The following MICAL3 variants were observed in gnomAD, a reference collection of about 807,000 sequenced individuals.
MICAL3 encodes the protein [F-actin]-monooxygenase MICAL3.
MICAL3 carries 62 observed loss-of-function variants against 207.4 expected under a neutral mutation model. That is an observed-to-expected ratio of 0.30 (90% CI 0.24 to 0.37). MICAL3 has a LOEUF of 0.37. Ranked by LOEUF, MICAL3 falls within the 10% of genes least tolerant of loss-of-function variation. MICAL3 has a pLI of 1.00. For synonymous variants in MICAL3, 1,077 were observed against 1,069.3 expected (o/e 1.01, Z -0.14); for missense variants, 2,368 against 2,635.6 (o/e 0.90, Z 2.22).
chr22:17,833,992 A>G (rs1395242407), intron 20 of MICAL3, among the ~76,000 whole-genome samples: 1 of 152,152 alleles, frequency 6.6e-6, no homozygotes, highest in Non-Finnish European at 1.5e-5. Context: ...ACGAACCATA[A>G]CCATGAGTAC....
chr22:17,959,046 C>T (rs1220096065), intron 1 of MICAL3, among the ~76,000 whole-genome samples: 4 of 123,060 alleles, frequency 3.3e-5, no homozygotes, highest in Non-Finnish European at 4.9e-5. Flanking sequence ...GATGGAGTCT[C>T]GCTCTGTTGC....
intron 29 of MICAL3, among the ~76,000 whole-genome samples, chr22:17,805,757 T>A (rs980076783): frequency 1.3e-5 from 2 of 152,210 alleles, no homozygotes; most frequent in Non-Finnish European, 2.9e-5. Context: ...AGACAGAGTT[T>A]CGCTCTTGTT....
At chr22:17,912,398 G>A (rs1215111682) in intron 1 of MICAL3, among the ~76,000 whole-genome samples, 3 of 150,738 alleles carry the variant, frequency 2.0e-5, no homozygotes, top group African/African-American at 7.3e-5. Context: ...TTGGGATTTT[G>A]ATAGGGATTA....
chr22:17,819,991 G>A (rs943672138), intron 25 of MICAL3, among the ~76,000 whole-genome samples: 4 of 148,622 alleles, frequency 2.7e-5, no homozygotes, highest in Non-Finnish European at 5.9e-5. Flanking sequence ...GAACAGGCTA[G>A]GTACAGTGGC....
chr22:17,831,885 GTCCTCC>G lies in MICAL3; in HGVS notation c.3018_3023del (p.Glu1006_Glu1007del), dbSNP rs760185093. On this transcript the variant is annotated inframe_deletion, in exon 21 of 32. Transcript: ENST00000441493. ...TGGACTCTTCCTCCTCCTCGTCATA[GTCCTCC>G]TCCTCCTCCTCTTCATATTCTTCCT... is the stretch of plus-strand genomic sequence containing the variant. The G allele has an allele frequency of 4.5e-6, 7 of 1,553,394 alleles. No homozygotes were observed. The Admixed American group carries it at 5.9e-5, about 13-fold the overall frequency.
intron 1 of MICAL3, among the ~76,000 whole-genome samples, chr22:17,941,414 G>T (rs1206289893): frequency 6.6e-6 from 1 of 152,240 alleles, no homozygotes; most frequent in East Asian, 1.9e-4. Context: ...TGGAAGAAAA[G>T]TGTCTGGGGC....
At chr22:17,889,439 G>T (rs944627481) in intron 12 of MICAL3, among the ~76,000 whole-genome samples, 3 of 150,792 alleles carry the variant, frequency 2.0e-5, no homozygotes, top group Admixed American at 6.6e-5. Context: ...AGGAAGTGAT[G>T]AAAGGTCTAC....
chr22:17,840,512 T>C (rs1255115367), intron 20 of MICAL3: 1 of 152,246 alleles, frequency 6.6e-6, no homozygotes. Context: ...ATACCTGCCA[T>C]AAATGCCAGG....
chr22:17,791,537 G>A (rs1031198251), intron 29 of MICAL3: 1 of 565,060 alleles, frequency 1.8e-6, no homozygotes, highest in Non-Finnish European at 3.2e-6. Context: ...TCGCCAGCAG[G>A]GACCTTGCCC....
chr22:17,862,795 C>CT, intron 19 of MICAL3: 1 of 985,524 alleles, frequency 1.0e-6, no homozygotes, highest in Non-Finnish European at 1.2e-6. Context: ...GTTCTGGACT[C>CT]TGAGCTGCCG....
chr22:17,948,713 G>A (rs1013359349), intron 1 of MICAL3, among the ~76,000 whole-genome samples: 1 of 152,020 alleles, frequency 6.6e-6, no homozygotes, highest in Admixed American at 6.6e-5. Context: ...ATACCAGCCT[G>A]GGCAACATGG....
intron 19 of MICAL3, among the ~76,000 whole-genome samples, chr22:17,845,592 A>C (rs1001044400): frequency 6.6e-6 from 1 of 152,244 alleles, no homozygotes; most frequent in African/African-American, 2.4e-5. Flanking sequence ...CAAAAAAAAA[A>C]CATTCTGTGA....
rs112895646 is a variant in MICAL3, at chr22:17,803,587, A to G, written c.5650+5257T>C. On this transcript the variant is annotated intron_variant, in intron 29 of 31. Transcript: ENST00000441493. ...CAAAGTTTTATTATAAAAAATTAAA[A>G]ACGACCCCAGGCAGCAAAAGCAAGC... 1,152 of 149,262 alleles carry G rather than the reference A, an allele frequency of 7.7e-3. 24 individuals are homozygous for G. Among genetic ancestry groups the G allele is most frequent in the African/African-American group, 0.027 (1,117 of 40,860 alleles). The allele number at this position is 149,262 out of a possible 1,614,324, so 9.2% of individuals were successfully genotyped here.
intron 16 of MICAL3, chr22:17,881,441 C>A: frequency 1.5e-6 from 1 of 681,276 alleles, no homozygotes. Context: ...CCTCAGAGGG[C>A]AGCCCAGTGG....
chr22:17,849,447 G>T (rs113699491), intron 19 of MICAL3, among the ~76,000 whole-genome samples: 3 of 152,082 alleles, frequency 2.0e-5, no homozygotes, highest in Non-Finnish European at 4.4e-5. Context: ...TGGTCCTCCC[G>T]TCTCAGCCTC....
chr22:17,938,134 G>A (rs571955354), intron 1 of MICAL3, among the ~76,000 whole-genome samples: 1 of 152,288 alleles, frequency 6.6e-6, no homozygotes, highest in East Asian at 1.9e-4. Flanking sequence ...CAACAATCCA[G>A]TAAGAACTCA....
In MICAL3 at chr22:17,961,486, T is replaced by G. The variant is rs1028515299; in HGVS notation, c.-74-54600A>C. Among the ~76,000 whole-genome samples, 22 of 151,884 alleles carry G rather than the reference T, an allele frequency of 1.4e-4. No homozygotes were observed. In the East Asian group the frequency reaches 3.7e-3, roughly 25 times the overall value. On this transcript the variant is annotated intron_variant, in intron 1 of 31. Transcript: ENST00000441493. ...GGCATCAGTCTCCAAATCTGCCTCC[T>G]TCCCCCCACCCTCTCACCCCCATGG...
At chr22:17,908,716 C>T (rs143095281) in intron 1 of MICAL3, among the ~76,000 whole-genome samples, 28 of 152,282 alleles carry the variant, frequency 1.8e-4, no homozygotes, top group African/African-American at 6.3e-4. Context: ...CAATTCACCA[C>T]GAGAGTGACC....
At chr22:17,823,151 A>C in intron 22 of MICAL3, 91 bp from the exon 23 acceptor site, 2 of 854,558 alleles carry the variant, frequency 2.3e-6, no homozygotes, top group East Asian at 2.5e-5. Context: ...TGCCTTTCTC[A>C]GGGCGCTGCC....
Sources: gnomAD v4.1 joint callset for allele counts (sites outside exome capture counted in the v4.1 genomes callset) on GRCh38, gnomAD v4.1.1 for gene constraint, MANE v1.5 for transcripts, NCBI Gene and HGNC (gene_info 2026-07-23, HGNC 2026-07-21) for gene names.